The following MSI2 variants were observed in gnomAD, a reference collection of about 807,000 sequenced individuals.
The protein encoded by MSI2 is RNA-binding protein Musashi homolog 2.
MSI2 carries 17 observed loss-of-function variants against 45.6 expected under a neutral mutation model. The ratio of observed to expected loss-of-function variants is 0.37; its 90% CI spans 0.26 to 0.56. The LOEUF (loss-of-function observed/expected upper bound fraction) is 0.56, where lower values mean the gene tolerates loss of function less well. MSI2 is among the 20% of genes least tolerant of loss of function. The pLI is 0.77. For missense variants in MSI2, 293 were observed against 444.2 expected (o/e 0.66, Z 3.06); for synonymous variants, 156 against 158.2 (o/e 0.99, Z 0.11).
chr17:57,565,256 C>T (rs2087699908), intron 7 of MSI2, among the ~76,000 whole-genome samples: 1 of 152,184 alleles, frequency 6.6e-6, no homozygotes. Context: ...AGAGATCATG[C>T]TGGATTTCCC....
intron 6 of MSI2, among the ~76,000 whole-genome samples, chr17:57,459,033 G>C (rs1391643072): frequency 1.3e-5 from 2 of 152,224 alleles, no homozygotes; most frequent in Non-Finnish European, 2.9e-5. Context: ...CTTTGTAAGA[G>C]CTGGATGGAT....
intron 6 of MSI2, among the ~76,000 whole-genome samples, chr17:57,457,466 C>G (rs2085137805): frequency 6.6e-6 from 1 of 152,162 alleles, no homozygotes; most frequent in African/African-American, 2.4e-5. Flanking sequence ...GGTAATGATT[C>G]CTTATTTGGC....
intron 6 of MSI2, among the ~76,000 whole-genome samples, chr17:57,497,904 A>G (rs1357224513): frequency 6.6e-6 from 1 of 152,218 alleles, no homozygotes; most frequent in African/African-American, 2.4e-5. Flanking sequence ...CTTCATACCA[A>G]GAGAGCTGGT....
In MSI2 at chr17:57,325,877, G is replaced by A. The variant is rs143404368; in HGVS notation, c.312+63685G>A. Among the ~76,000 whole-genome samples the A allele has an allele frequency of 7.2e-5, 11 of 152,300 alleles. 1 individual carries two copies. In the East Asian group the frequency reaches 1.7e-3, roughly 24 times the overall value. ...ATCTGCCCCGGCCTCATTTTCTGGCGTCTCCTCTTGCTACTCCTGCACACA... is the reference window on the plus strand; with the variant it reads ...ATCTGCCCCGGCCTCATTTTCTGGCATCTCCTCTTGCTACTCCTGCACACA... On this transcript the variant is annotated intron_variant, in intron 5 of 13. Transcript: ENST00000284073.
At chr17:57,284,962 A>T (rs544323285) in intron 5 of MSI2, among the ~76,000 whole-genome samples, 2 of 150,872 alleles carry the variant, frequency 1.3e-5, no homozygotes, top group African/African-American at 4.9e-5. Context: ...TATGGAGCTT[A>T]GCAGTGATCA....
chr17:57,692,719 T>C, the MSI2 span, among the ~76,000 whole-genome samples: 3 of 151,912 alleles, frequency 2.0e-5, no homozygotes, highest in Non-Finnish European at 2.9e-5. Context: ...TGACAGGTTT[T>C]GTTTTGTTTT....
intron 5 of MSI2, among the ~76,000 whole-genome samples, chr17:57,317,588 G>A (rs1451290454): frequency 1.5e-5 from 2 of 135,540 alleles, no homozygotes; most frequent in Non-Finnish European, 3.0e-5. Flanking sequence ...TTGGCTCACT[G>A]TAGCCTACAC....
At position 57,486,827 on chromosome 17, in the gene MSI2, A is replaced by T. The variant is rs576931932; in HGVS notation, c.406-42849A>T. Among the ~76,000 whole-genome samples, 10 of 152,156 alleles carry T rather than the reference A, an allele frequency of 6.6e-5. No homozygotes were observed. In the East Asian group the frequency reaches 1.9e-3, roughly 29 times the overall value. On this transcript the variant is annotated intron_variant, in intron 6 of 13. Coordinates refer to ENST00000284073, the MANE Select transcript of MSI2 (RefSeq NM_138962.4). ...TAGTGTATTGCCAGACTCACGGAGA[A>T]CTTCGTTTGTCCAAAGCTCCACGAA...
At chr17:57,640,359 G>C (rs1910156353) in intron 10 of MSI2, among the ~76,000 whole-genome samples, 1 of 152,216 alleles carries the variant, frequency 6.6e-6, no homozygotes, top group African/African-American at 2.4e-5. Context: ...AATTATCAAT[G>C]TTATCTATTA....
chr17:57,313,035 C>T (rs1469046856), intron 5 of MSI2, among the ~76,000 whole-genome samples: 2 of 152,044 alleles, frequency 1.3e-5, no homozygotes, highest in African/African-American at 2.4e-5. Context: ...TTAGTAGAGA[C>T]GGGGTTTCAC....
chr17:57,339,238 G>A (rs1251650535), intron 5 of MSI2, among the ~76,000 whole-genome samples: 1 of 152,200 alleles, frequency 6.6e-6, no homozygotes, highest in Non-Finnish European at 1.5e-5. Flanking sequence ...GTGAGTGGTG[G>A]CTTCGCGTTT....
Position 57,257,089 on chromosome 17 carries a change from T to C in MSI2, c.63-9T>C. On this transcript the variant is annotated splice_polypyrimidine_tract_variant and intron_variant, in intron 1 of 13. Coordinates refer to ENST00000284073, the MANE Select transcript of MSI2 (RefSeq NM_138962.4). ...CGGTGCTCACTTCTGTTATGTTTTCTCCCTCTAGTAAAATGTTTATCGGTG... is the reference window on the plus strand; with the variant it reads ...CGGTGCTCACTTCTGTTATGTTTTCCCCCTCTAGTAAAATGTTTATCGGTG... The C allele has an allele frequency of 6.9e-7, 1 of 1,443,286 alleles. No homozygotes were observed. The highest frequency in any genetic ancestry group is 9.3e-7 in the Non-Finnish European group (1 of 1,075,254). 89.4% of individuals were successfully genotyped at this position (1,443,286 alleles called of 1,614,324 possible).
intron 5 of MSI2, among the ~76,000 whole-genome samples, chr17:57,393,559 C>G (rs748923298): frequency 6.6e-6 from 1 of 152,136 alleles, no homozygotes; most frequent in East Asian, 1.9e-4. Flanking sequence ...TATTTTTTGG[C>G]TGTTGCTGCC....
intron 7 of MSI2, among the ~76,000 whole-genome samples, chr17:57,535,170 G>A (rs987100553): frequency 3.9e-5 from 6 of 152,234 alleles, no homozygotes; most frequent in African/African-American, 1.4e-4. Flanking sequence ...GGAGAAAGTG[G>A]AATGCGGGCA....
the MSI2 span, among the ~76,000 whole-genome samples, chr17:57,693,496 C>T: frequency 9.2e-5 from 14 of 152,188 alleles, no homozygotes; most frequent in African/African-American, 3.4e-4. Flanking sequence ...ATCAAGTTTA[C>T]GGATCAGCTA....
chr17:57,264,240 C>T (rs776103463), intron 5 of MSI2: 3 of 151,920 alleles, frequency 2.0e-5, no homozygotes, highest in Admixed American at 6.6e-5. Context: ...TTGAACAGGT[C>T]GTTTAACTTC....
At position 57,682,429 on chromosome 17, in the gene MSI2, A is replaced by G. The variant is rs1286936419; in HGVS notation, c.*2912A>G. On this transcript the variant is annotated 3_prime_UTR_variant, in exon 14 of 14. Coordinates refer to ENST00000284073, the MANE Select transcript of MSI2 (RefSeq NM_138962.4). ...TTTTTAAAAGAGGGAGGCATGGTATATTAAAATGATTTTACTAAGAGAAAA... is the reference window on the plus strand; with the variant it reads ...TTTTTAAAAGAGGGAGGCATGGTATGTTAAAATGATTTTACTAAGAGAAAA... The G allele has an allele frequency of 1.1e-5, 2 of 182,146 alleles. No homozygotes were observed. Among genetic ancestry groups the G allele is most frequent in the East Asian group, 1.8e-4 (2 of 10,832 alleles). 11.3% of individuals were successfully genotyped at this position (182,146 alleles called of 1,614,324 possible).
At chr17:57,416,873 T>A (rs2084304541) in intron 6 of MSI2, among the ~76,000 whole-genome samples, 1 of 152,182 alleles carries the variant, frequency 6.6e-6, no homozygotes, top group South Asian at 2.1e-4. Context: ...CTAAGGTGGT[T>A]GTGCTTGTCC....
chr17:57,651,346 G>C (rs994472307), intron 10 of MSI2, among the ~76,000 whole-genome samples: 1 of 151,978 alleles, frequency 6.6e-6, no homozygotes, highest in Non-Finnish European at 1.5e-5. Flanking sequence ...GGCTCAGACC[G>C]AAGAGCCACA....
Sources: allele counts gnomAD v4.1 joint callset (sites outside exome capture counted in the v4.1 genomes callset), GRCh38; gene constraint gnomAD v4.1.1; transcripts MANE v1.5; gene names NCBI Gene and HGNC (gene_info 2026-07-23, HGNC 2026-07-21).